CRACD: variants seen among roughly 807,000 people sequenced by gnomAD.
The protein encoded by CRACD is capping protein-inhibiting regulator of actin dynamics.
CRACD carries 56 observed loss-of-function variants against 106.8 expected under a neutral mutation model. That is an observed-to-expected ratio of 0.52 (90% CI 0.42 to 0.66). The LOEUF (loss-of-function observed/expected upper bound fraction) is 0.66, where lower values mean the gene tolerates loss of function less well. CRACD is among the 30% of genes least tolerant of loss of function. The pLI, the probability that CRACD is intolerant of heterozygous loss-of-function variation, is 0.00. For synonymous variants in CRACD, 754 were observed against 670.8 expected (o/e 1.12, Z -1.92); for missense variants, 1,730 against 1,623.2 (o/e 1.07, Z -1.13).
chr4:56,130,508 T>G (rs1382597805), intron 1 of CRACD, among the ~76,000 whole-genome samples: 6 of 152,180 alleles, frequency 3.9e-5, no homozygotes, highest in Non-Finnish European at 5.9e-5. Flanking sequence ...AGATCAAAAC[T>G]CAGTGTAACC....
At chr4:56,225,578 A>G (rs1018308039) in intron 2 of CRACD, among the ~76,000 whole-genome samples, 1 of 151,932 alleles carries the variant, frequency 6.6e-6, no homozygotes, top group Non-Finnish European at 1.5e-5. Context: ...TCTTTCCCCA[A>G]GTACCCCTTA....
intron 1 of CRACD, among the ~76,000 whole-genome samples, chr4:56,095,848 C>A (rs973205459): frequency 6.6e-6 from 1 of 152,152 alleles, no homozygotes; most frequent in African/African-American, 2.4e-5. Flanking sequence ...CCAGCTGAGG[C>A]TCATCCAGCT....
At chr4:56,204,744 T>G (rs1402122591) in intron 2 of CRACD, among the ~76,000 whole-genome samples, 2 of 152,174 alleles carry the variant, frequency 1.3e-5, no homozygotes, top group Admixed American at 6.5e-5. Flanking sequence ...CTTTCTAATC[T>G]TTTGCAGTTC....
chr4:56,108,898 T>C (rs111995525), intron 1 of CRACD, among the ~76,000 whole-genome samples: 2 of 152,308 alleles, frequency 1.3e-5, no homozygotes, highest in African/African-American at 4.8e-5. Flanking sequence ...AACATGAAAG[T>C]GGACAAGGAG....
intron 3 of CRACD, among the ~76,000 whole-genome samples, chr4:56,286,202 G>A (rs1337010404): frequency 6.6e-6 from 1 of 151,988 alleles, no homozygotes; most frequent in Non-Finnish European, 1.5e-5. Flanking sequence ...AGACCAGCCT[G>A]GCCAACATGG....
chr4:56,266,625 T>A (rs550963693), intron 2 of CRACD, among the ~76,000 whole-genome samples: 2 of 152,354 alleles, frequency 1.3e-5, no homozygotes, highest in East Asian at 3.9e-4. Flanking sequence ...ACTACATTGT[T>A]AAAATTGCTT....
At chr4:56,282,463 G>A (rs546545984) in intron 3 of CRACD, among the ~76,000 whole-genome samples, 4 of 152,318 alleles carry the variant, frequency 2.6e-5, no homozygotes, top group African/African-American at 7.2e-5. Flanking sequence ...TTAGAAGAGT[G>A]GCTAGAAAGC....
At chr4:56,153,126 A>G (rs937726672) in intron 1 of CRACD, among the ~76,000 whole-genome samples, 15 of 152,114 alleles carry the variant, frequency 9.9e-5, no homozygotes, top group Non-Finnish European at 1.5e-5. Flanking sequence ...CTAAAAATAC[A>G]AAATTAGCTG....
At chr4:56,090,082 A>G (rs1051626904) in intron 1 of CRACD, among the ~76,000 whole-genome samples, 1 of 152,070 alleles carries the variant, frequency 6.6e-6, no homozygotes, top group African/African-American at 2.4e-5. Flanking sequence ...GGAGAGCAAG[A>G]GAAATACATA....
intron 1 of CRACD, among the ~76,000 whole-genome samples, chr4:56,085,341 A>G (rs1733177743): frequency 6.6e-6 from 1 of 152,160 alleles, no homozygotes; most frequent in Non-Finnish European, 1.5e-5. Context: ...AGGAAGACCT[A>G]AAGTCTCCCT....
At chr4:56,232,700 CTTTATTTATTTATTTA>C (rs71666123) in intron 2 of CRACD, among the ~76,000 whole-genome samples, 4 of 141,642 alleles carry the variant, frequency 2.8e-5, no homozygotes, top group South Asian at 2.3e-4. Flanking sequence ...AAACATGTAT[CTTTATTTATTTATTTA>C]TTTATTTATT....
At chr4:56,193,804 A>G (rs1344459435) in intron 2 of CRACD, among the ~76,000 whole-genome samples, 1 of 151,984 alleles carries the variant, frequency 6.6e-6, no homozygotes, top group East Asian at 1.9e-4. Flanking sequence ...TCAGGAAAAA[A>G]GTTTCTGTTT....
intron 2 of CRACD, among the ~76,000 whole-genome samples, chr4:56,190,735 C>A (rs568011474): frequency 2.0e-5 from 3 of 152,040 alleles, no homozygotes; most frequent in African/African-American, 7.2e-5. Context: ...AAGCTGTCTG[C>A]GGATCTACTA....
At chr4:56,231,450 G>A (rs1739612262) in intron 2 of CRACD, among the ~76,000 whole-genome samples, 1 of 152,188 alleles carries the variant, frequency 6.6e-6, no homozygotes, top group South Asian at 2.1e-4. Context: ...TTCTAAAGCT[G>A]ACTGTAGGCT....
intron 1 of CRACD, among the ~76,000 whole-genome samples, chr4:56,144,187 G>A (rs2109881492): frequency 6.6e-6 from 1 of 152,288 alleles, no homozygotes. Flanking sequence ...TAGAACTAGA[G>A]CAAAAGTGGA....
chr4:56,177,041 G>A (rs189873765), intron 1 of CRACD, among the ~76,000 whole-genome samples: 22 of 152,098 alleles, frequency 1.4e-4, no homozygotes, highest in Middle Eastern at 3.4e-3. Flanking sequence ...CAATTTGGAC[G>A]CCCTTTATTT....
At chr4:56,244,882 A>T (rs1257857413) in intron 2 of CRACD, among the ~76,000 whole-genome samples, 1 of 152,206 alleles carries the variant, frequency 6.6e-6, no homozygotes. Context: ...ATCTTCCACA[A>T]ATCCCATCCT....
intron 1 of CRACD, among the ~76,000 whole-genome samples, chr4:56,144,936 G>A (rs1735328279): frequency 6.6e-6 from 1 of 152,086 alleles, no homozygotes; most frequent in Non-Finnish European, 1.5e-5. Flanking sequence ...TGACAGGTGT[G>A]CACCACCATG....
Position 56,324,141 on chromosome 4 carries a change from G to A in CRACD, c.3416G>A (p.Ser1139Asn). 5 of 1,613,974 alleles carry A rather than the reference G, an allele frequency of 3.1e-6. No individual in the cohort carries two copies. The highest frequency in any genetic ancestry group is 4.2e-6 in the Non-Finnish European group (5 of 1,179,896). ...VSVQPGSSSV[S>N]RAGSLHKSTA... The stretch of plus-strand genomic sequence containing the variant: ...GTGCAGCCTGGAAGCAGCAGTGTCA[G>A]CAGAGCAGGTTCCCTGCACAAGTCC... Residue 1139 changes from serine (S) to asparagine (N), a missense_variant, in exon 10 of 11, where the codon AGC (serine) becomes AAC (asparagine). Physicochemically the swap from Ser to Asn is conservative, Grantham distance 46. Around this residue, in one of 5 missense-constraint regions of CRACD, gnomAD observed 89 missense variants for 89.6 expected, o/e 0.99. Transcript: ENST00000682029.
Sources: allele counts gnomAD v4.1 joint callset (sites outside exome capture counted in the v4.1 genomes callset), GRCh38; gene constraint gnomAD v4.1.1; regional missense constraint gnomAD v4.1.1; transcripts MANE v1.5; gene names NCBI Gene and HGNC (gene_info 2026-07-23, HGNC 2026-07-21).